The following AFF3 variants were observed in gnomAD, a reference collection of about 807,000 sequenced individuals.
AFF3 encodes AF4/FMR2 family member 3.
A neutral mutation model predicts 129.7 loss-of-function variants in AFF3; 32 were observed. The ratio of observed to expected loss-of-function variants is 0.25; its 90% CI spans 0.19 to 0.33. AFF3 has a LOEUF of 0.33. AFF3 is among the 10% of genes least tolerant of loss of function. The pLI, the probability that AFF3 is intolerant of heterozygous loss-of-function variation, is 1.00. For missense variants in AFF3, 1,373 were observed against 1,592.0 expected (o/e 0.86, Z 2.34); for synonymous variants, 644 against 635.4 (o/e 1.01, Z -0.20).
intron 7 of AFF3, among the ~76,000 whole-genome samples, chr2:99,888,346 G>A (rs1427102190): frequency 1.3e-5 from 2 of 152,156 alleles, no homozygotes; most frequent in Admixed American, 6.5e-5. Context: ...TTAAACAGGA[G>A]CTTCAGTATA....
At chr2:99,646,888 T>C (rs1179815610) in intron 13 of AFF3, among the ~76,000 whole-genome samples, 2 of 152,238 alleles carry the variant, frequency 1.3e-5, no homozygotes, top group Admixed American at 6.5e-5. Context: ...TTAATTTCCA[T>C]CTTGAAATGG....
At chr2:99,728,273 G>C (rs1211220634) in intron 10 of AFF3, among the ~76,000 whole-genome samples, 1 of 152,168 alleles carries the variant, frequency 6.6e-6, no homozygotes, top group African/African-American at 2.4e-5. Context: ...CCTGATGGTT[G>C]TGCAGAGCCA....
At chr2:100,121,509 T>C (rs1448553303) in intron 2 of AFF3, among the ~76,000 whole-genome samples, 4 of 152,186 alleles carry the variant, frequency 2.6e-5, no homozygotes. Context: ...CAGGCAGTAA[T>C]ACCTGGCACA....
chr2:100,014,530 G>A (rs1013401672), intron 4 of AFF3, among the ~76,000 whole-genome samples: 1 of 152,186 alleles, frequency 6.6e-6, no homozygotes, highest in African/African-American at 2.4e-5. Flanking sequence ...TGGGGAAAAG[G>A]AAGAAGGGCA....
At chr2:99,891,924 G>A (rs1693588942) in intron 7 of AFF3, among the ~76,000 whole-genome samples, 1 of 151,744 alleles carries the variant, frequency 6.6e-6, no homozygotes. Context: ...CCGGGTTCAC[G>A]CCATTCTCCT....
intron 11 of AFF3, among the ~76,000 whole-genome samples, chr2:99,725,036 T>A (rs1403316026): frequency 1.3e-5 from 2 of 152,194 alleles, no homozygotes; most frequent in East Asian, 3.9e-4. Context: ...AGTGGTGCGA[T>A]CTCTGCTCAC....
chr2:100,105,263 CG>C, intron 3 of AFF3: 1 of 1,151,488 alleles, frequency 8.7e-7, no homozygotes, highest in Non-Finnish European at 1.1e-6. Context: ...CGGGTGGGTG[CG>C]GGGGAATTCC....
Position 99,742,025 on chromosome 2 carries a change from T to A in AFF3, c.1039+2079A>T, listed in dbSNP as rs184304873. Among the ~76,000 whole-genome samples, 30 of 152,270 alleles carry A rather than the reference T, an allele frequency of 2.0e-4. 1 individual carries two copies. Among genetic ancestry groups the A allele is most frequent in the South Asian group, 1.7e-3 (8 of 4,822 alleles). ...AGACTTAATAGGAATATTATTTTTGTATACATGTGCTGGGGTTTTGGAGAA... is the reference window on the plus strand; with the variant it reads ...AGACTTAATAGGAATATTATTTTTGAATACATGTGCTGGGGTTTTGGAGAA... On this transcript the variant is annotated intron_variant, in intron 10 of 24. Transcript: ENST00000672756.
chr2:99,955,493 G>A (rs1409180303), intron 7 of AFF3, among the ~76,000 whole-genome samples: 1 of 151,942 alleles, frequency 6.6e-6, no homozygotes, highest in East Asian at 1.9e-4. Flanking sequence ...TTAAATATGT[G>A]TGTTATATAC....
At chr2:100,035,754 T>C (rs1012145594) in intron 4 of AFF3, among the ~76,000 whole-genome samples, 1 of 152,226 alleles carries the variant, frequency 6.6e-6, no homozygotes, top group Non-Finnish European at 1.5e-5. Flanking sequence ...ATAGGATGTA[T>C]GTGATCTTAA....
intron 8 of AFF3, among the ~76,000 whole-genome samples, chr2:99,782,276 A>T (rs1050875345): frequency 6.6e-6 from 1 of 152,234 alleles, no homozygotes; most frequent in Admixed American, 6.5e-5. Flanking sequence ...ACATCTGTAA[A>T]TGCTAGTGAA....
At chr2:99,753,433 A>G (rs1162580139) in intron 8 of AFF3, among the ~76,000 whole-genome samples, 5 of 152,084 alleles carry the variant, frequency 3.3e-5, no homozygotes, top group African/African-American at 1.2e-4. Flanking sequence ...GCACTTCCAA[A>G]CCTAAGCAAG....
chr2:99,654,018 T>C (rs1685524077), intron 12 of AFF3, among the ~76,000 whole-genome samples: 1 of 152,090 alleles, frequency 6.6e-6, no homozygotes, highest in South Asian at 2.1e-4. Flanking sequence ...TAGCTGGGAT[T>C]ACAGGCATGC....
chr2:99,672,662 A>G, intron 11 of AFF3, 73 bp from the exon 12 acceptor site: 1 of 1,395,668 alleles, frequency 7.2e-7, no homozygotes, highest in Non-Finnish European at 1.0e-6. Context: ...GCACCAAAAT[A>G]TCACCTTAAT....
chr2:100,078,393 G>A (rs2105340357), intron 4 of AFF3, among the ~76,000 whole-genome samples: 1 of 152,034 alleles, frequency 6.6e-6, no homozygotes, highest in South Asian at 2.1e-4. Flanking sequence ...TTATTTTTTT[G>A]AACCAAAATC....
intron 8 of AFF3, among the ~76,000 whole-genome samples, chr2:99,783,397 G>A (rs144378532): frequency 6.6e-6 from 1 of 152,300 alleles, no homozygotes; most frequent in Non-Finnish European, 1.5e-5. Flanking sequence ...CAAACGAGAG[G>A]GTGTAAATGT....
intron 8 of AFF3, among the ~76,000 whole-genome samples, chr2:99,754,697 C>G (rs1332339423): frequency 6.6e-6 from 1 of 152,166 alleles, no homozygotes; most frequent in Non-Finnish European, 1.5e-5. Flanking sequence ...TTTAATACAC[C>G]GTTTATCCAA....
chr2:99,835,363 T>A lies in AFF3; in HGVS notation c.921+2114A>T, dbSNP rs186177473. On this transcript the variant is annotated intron_variant, in intron 8 of 24. Transcript: ENST00000672756. ...TTCCCTCTCCTTGGAGCCACAATCT[T>A]GGAGGAAGCCTGGTGTGTCACAGAT... Among the ~76,000 whole-genome samples, 3 of 152,250 alleles carry A rather than the reference T, an allele frequency of 2.0e-5. No homozygotes were observed. The East Asian group carries it at 5.8e-4, about 29-fold the overall frequency.
intron 4 of AFF3, among the ~76,000 whole-genome samples, chr2:100,081,257 C>A (rs1465619464): frequency 5.9e-5 from 9 of 152,024 alleles, no homozygotes; most frequent in Non-Finnish European, 1.3e-4. Context: ...TACATTTATA[C>A]AAATATTTTA....
Sources: gnomAD v4.1 joint callset for allele counts (sites outside exome capture counted in the v4.1 genomes callset) on GRCh38, gnomAD v4.1.1 for gene constraint, MANE v1.5 for transcripts, NCBI Gene and HGNC (gene_info 2026-07-23, HGNC 2026-07-21) for gene names.